MOSMO: variants seen among roughly 807,000 people sequenced by gnomAD.
MOSMO encodes the protein modulator of smoothened protein.
In MOSMO, 5 loss-of-function variants were observed where a neutral mutation model predicts 18.4. That is an observed-to-expected ratio of 0.27 (90% CI 0.14 to 0.57). The LOEUF (loss-of-function observed/expected upper bound fraction) is 0.57, where lower values mean the gene tolerates loss of function less well. Ranked by LOEUF, MOSMO falls within the 20% of genes least tolerant of loss-of-function variation. The pLI is 0.92. For missense variants in MOSMO, 138 were observed against 211.8 expected, an observed-to-expected ratio of 0.65 and a Z score of 2.16; for synonymous variants, 82 against 82.3, an observed-to-expected ratio of 1.00 and a Z score of 0.02.
chr16:22,031,348 T>G (rs1899989879), intron 1 of MOSMO, among the ~76,000 whole-genome samples: 2 of 152,224 alleles, frequency 1.3e-5, no homozygotes, highest in South Asian at 2.1e-4. Flanking sequence ...ATAATTCCAC[T>G]TTTCTTTTTA....
chr16:22,028,727 A>T (rs1899929876), intron 1 of MOSMO, among the ~76,000 whole-genome samples: 1 of 152,086 alleles, frequency 6.6e-6, no homozygotes, highest in Non-Finnish European at 1.5e-5. Context: ...CTCTTTCTAC[A>T]ACTTTACTTT....
chr16:22,009,076 C>G (rs1343458442), intron 1 of MOSMO, among the ~76,000 whole-genome samples: 1 of 152,198 alleles, frequency 6.6e-6, no homozygotes, highest in African/African-American at 2.4e-5. Flanking sequence ...ACCGCCGCCC[C>G]CGCCCATCCC....
intron 1 of MOSMO, among the ~76,000 whole-genome samples, chr16:22,067,769 C>A (rs987846181): frequency 6.6e-6 from 1 of 152,088 alleles, no homozygotes; most frequent in Admixed American, 6.6e-5. Flanking sequence ...ATCCCAGCTA[C>A]TCAGGAGGCT....
intron 1 of MOSMO, among the ~76,000 whole-genome samples, chr16:22,072,655 C>CA (rs1353238722): frequency 6.6e-5 from 10 of 151,998 alleles, no homozygotes; most frequent in Admixed American, 4.6e-4. Context: ...ACTAAAAATA[C>CA]AAAAAAATTA....
intron 1 of MOSMO, among the ~76,000 whole-genome samples, chr16:22,028,466 G>A (rs1223457072): frequency 1.3e-5 from 2 of 149,940 alleles, no homozygotes; most frequent in East Asian, 3.9e-4. Flanking sequence ...TATTCACATT[G>A]TTTTACCACC....
intron 1 of MOSMO, among the ~76,000 whole-genome samples, chr16:22,061,686 G>T (rs142338095): frequency 6.6e-6 from 1 of 152,300 alleles, no homozygotes; most frequent in East Asian, 1.9e-4. Flanking sequence ...GGACAGAAAA[G>T]TCAGGCATAG....
At chr16:22,037,668 C>T (rs1900134143) in intron 1 of MOSMO, among the ~76,000 whole-genome samples, 2 of 152,212 alleles carry the variant, frequency 1.3e-5, no homozygotes, top group South Asian at 2.1e-4. Context: ...TCAGTTTCAA[C>T]TACTTTGCTG....
intron 1 of MOSMO, among the ~76,000 whole-genome samples, chr16:22,065,969 A>C (rs575319067): frequency 4.5e-4 from 69 of 152,356 alleles, no homozygotes; most frequent in Non-Finnish European, 7.8e-4. Context: ...CAATTGAAGG[A>C]GCATTCGAGA....
downstream of MOSMO, among the ~76,000 whole-genome samples, chr16:22,086,618 G>GT (rs1567518369): frequency 6.6e-6 from 1 of 152,150 alleles, no homozygotes; most frequent in South Asian, 2.1e-4. Flanking sequence ...GTGAGCCTTG[G>GT]TTTTTTCATC....
chr16:22,086,813 A>G (rs1182654834), downstream of MOSMO, among the ~76,000 whole-genome samples: 1 of 152,216 alleles, frequency 6.6e-6, no homozygotes, highest in Non-Finnish European at 1.5e-5. Flanking sequence ...TGTACTCACT[A>G]GAAACCTGGC....
chr16:22,036,584 A>G (rs567415662), intron 1 of MOSMO, among the ~76,000 whole-genome samples: 1 of 152,282 alleles, frequency 6.6e-6, no homozygotes, highest in East Asian at 1.9e-4. Context: ...AGTAGCTCGG[A>G]CTACAGGTGT....
At chr16:22,050,887 GAAAA>G (rs34532029) in intron 1 of MOSMO, among the ~76,000 whole-genome samples, 1 of 70,484 alleles carries the variant, frequency 1.4e-5, no homozygotes, top group Admixed American at 1.6e-4. Flanking sequence ...TGTCTCTTAA[GAAAA>G]AAAAAAAAAA....
At chr16:22,050,189 C>T (rs1392504716) in intron 1 of MOSMO, among the ~76,000 whole-genome samples, 2 of 152,148 alleles carry the variant, frequency 1.3e-5, no homozygotes, top group Non-Finnish European at 2.9e-5. Context: ...TTCCATTGGA[C>T]ATGAGGTAAT....
intron 1 of MOSMO, among the ~76,000 whole-genome samples, chr16:22,056,051 A>T (rs1282212000): frequency 6.6e-6 from 1 of 152,196 alleles, no homozygotes; most frequent in African/African-American, 2.4e-5. Context: ...AAAGACCAGT[A>T]AACCTAAAGG....
chr16:22,072,284 A>T (rs2141775599), intron 1 of MOSMO, among the ~76,000 whole-genome samples: 1 of 152,278 alleles, frequency 6.6e-6, no homozygotes, highest in East Asian at 1.9e-4. Flanking sequence ...TAGTAACAGC[A>T]CAGTTAGCCT....
intron 1 of MOSMO, among the ~76,000 whole-genome samples, chr16:22,031,889 G>T (rs1900001326): frequency 6.6e-6 from 1 of 152,114 alleles, no homozygotes; most frequent in African/African-American, 2.4e-5. Flanking sequence ...AAATTGCTGA[G>T]TCATACAGTC....
At chr16:22,008,877 G>A (rs1899453854) in intron 1 of MOSMO, among the ~76,000 whole-genome samples, 1 of 152,164 alleles carries the variant, frequency 6.6e-6, no homozygotes, top group Non-Finnish European at 1.5e-5. Context: ...AGCCACTAGA[G>A]AGCTGGTGGG....
intron 2 of MOSMO, among the ~76,000 whole-genome samples, chr16:22,080,266 C>A (rs763374576): frequency 2.0e-5 from 3 of 152,116 alleles, no homozygotes; most frequent in Non-Finnish European, 4.4e-5. Flanking sequence ...AGGGACTAGA[C>A]ATTATTTTAT....
At chr16:22,044,356 A>C (rs1304278186) in intron 1 of MOSMO, among the ~76,000 whole-genome samples, 1 of 152,190 alleles carries the variant, frequency 6.6e-6, no homozygotes, top group African/African-American at 2.4e-5. Flanking sequence ...TTTATTAAGT[A>C]CTTCTGTGTG....
Sources: gnomAD v4.1 joint callset for allele counts (sites outside exome capture counted in the v4.1 genomes callset) on GRCh38, gnomAD v4.1.1 for gene constraint, MANE v1.5 for transcripts, NCBI Gene and HGNC (gene_info 2026-07-23, HGNC 2026-07-21) for gene names.